DPP6: variants seen among roughly 807,000 people sequenced by gnomAD.
DPP6 encodes the protein A-type potassium channel modulatory protein DPP6.
DPP6 carries 69 observed loss-of-function variants against 122.6 expected under a neutral mutation model. The observed-to-expected ratio is 0.56, with a 90% CI of 0.46 to 0.69. The LOEUF (loss-of-function observed/expected upper bound fraction) is 0.69. Ranked by LOEUF, DPP6 falls within the 30% of genes least tolerant of loss-of-function variation. The pLI is 0.00. For missense variants in DPP6, 928 were observed against 1,116.9 expected, an observed-to-expected ratio of 0.83 and a Z score of 2.41; for synonymous variants, 418 against 433.1, an observed-to-expected ratio of 0.97 and a Z score of 0.43.
At chr7:154,784,727 A>G (rs1195132923) in intron 10 of DPP6, among the ~76,000 whole-genome samples, 1 of 152,168 alleles carries the variant, frequency 6.6e-6, no homozygotes, top group African/African-American at 2.4e-5. Flanking sequence ...CTCCCTGAAC[A>G]AAAAGAGCAA....
chr7:154,773,627 G>T (rs569205698), intron 10 of DPP6, among the ~76,000 whole-genome samples: 98 of 152,224 alleles, frequency 6.4e-4, no homozygotes, highest in Non-Finnish European at 1.2e-3. Context: ...AAGAGGAGGG[G>T]ATTTTAGGGG....
the DPP6 span, among the ~76,000 whole-genome samples, chr7:153,847,565 G>T: frequency 6.6e-6 from 1 of 152,182 alleles, no homozygotes; most frequent in East Asian, 1.9e-4. Context: ...TTAGTTAACA[G>T]TTACATTCAG....
chr7:154,600,919 C>A (rs1245157693), intron 5 of DPP6, among the ~76,000 whole-genome samples: 2 of 119,002 alleles, frequency 1.7e-5, no homozygotes, highest in African/African-American at 5.3e-5. Flanking sequence ...TGGAGAAACC[C>A]CATCTCTACT....
Position 154,674,076 on chromosome 7 carries a change from G to C in DPP6, c.762+4635G>C, listed in dbSNP as rs189195703. Among the ~76,000 whole-genome samples, 413 of 152,078 alleles carry C rather than the reference G, an allele frequency of 2.7e-3. 1 individual carries two copies. The highest frequency in any genetic ancestry group is 3.5e-3 in the Non-Finnish European group (240 of 67,986). On this transcript the variant is annotated intron_variant, in intron 7 of 25. Coordinates refer to ENST00000377770, the MANE Select transcript of DPP6 (RefSeq NM_130797.4). ...TTTTTAGCAGAGATGGGGTTTCACCGTTTTGGCCAAGCTGGTCTTGAACCC... is the reference window on the plus strand; with the variant it reads ...TTTTTAGCAGAGATGGGGTTTCACCCTTTTGGCCAAGCTGGTCTTGAACCC...
intron 1 of DPP6, among the ~76,000 whole-genome samples, chr7:154,243,300 C>T (rs1801763663): frequency 6.6e-6 from 1 of 152,180 alleles, no homozygotes; most frequent in African/African-American, 2.4e-5. Context: ...TCAATAGAAA[C>T]AAGCCCTGAG....
At chr7:154,140,383 C>T in intron 1 of DPP6, among the ~76,000 whole-genome samples, 2 of 152,224 alleles carry the variant, frequency 1.3e-5, no homozygotes, top group Non-Finnish European at 2.9e-5. Flanking sequence ...ACATGGGTAA[C>T]ACTTCACTAT....
chr7:154,498,939 CAT>C (rs1824984131), intron 3 of DPP6, among the ~76,000 whole-genome samples: 1 of 152,194 alleles, frequency 6.6e-6, no homozygotes, highest in African/African-American at 2.4e-5. Context: ...CCATCAGTAA[CAT>C]ATGGCTTTTA....
intron 3 of DPP6, among the ~76,000 whole-genome samples, chr7:154,503,460 C>G (rs181965163): frequency 6.6e-6 from 1 of 152,230 alleles, no homozygotes; most frequent in Non-Finnish European, 1.5e-5. Context: ...TATGTAACTA[C>G]TGGAGGCAAG....
At chr7:154,201,416 A>G (rs1391012060) in intron 1 of DPP6, among the ~76,000 whole-genome samples, 1 of 152,212 alleles carries the variant, frequency 6.6e-6, no homozygotes, top group African/African-American at 2.4e-5. Flanking sequence ...GATGTGAGCC[A>G]CCACGCCTGA....
chr7:153,825,914 G>T, the DPP6 span, among the ~76,000 whole-genome samples: 9,401 of 152,128 alleles, frequency 0.062, 340 homozygotes, highest in Non-Finnish European at 0.082. Flanking sequence ...TTCATAGGAG[G>T]CACCCAGTAA....
rs1179291380 is a variant in DPP6 at position 154,661,823 on chromosome 7, C to T, written c.681-7537C>T. ...TGGCGTGTTGGCCCTAGTGTTCACG[C>T]AGTCATGGTGAATCACCATGGCATA... is the stretch of plus-strand genomic sequence containing the variant. On this transcript the variant is annotated intron_variant, in intron 6 of 25. Coordinates refer to ENST00000377770, the MANE Select transcript of DPP6 (RefSeq NM_130797.4). Among the ~76,000 whole-genome samples the T allele has an allele frequency of 7.5e-4, 64 of 85,326 alleles. 2 individuals carry two copies. Among genetic ancestry groups the T allele is most frequent in the East Asian group, 1.5e-3 (4 of 2,694 alleles). The allele number at this position is 85,326 out of a possible 152,430, so 56.0% of individuals were successfully genotyped here.
At chr7:154,288,443 G>T (rs1253299360) in intron 1 of DPP6, among the ~76,000 whole-genome samples, 1 of 152,208 alleles carries the variant, frequency 6.6e-6, no homozygotes, top group East Asian at 1.9e-4. Context: ...CCCACTTTCT[G>T]CTACTGACCA....
At position 154,042,813 on chromosome 7, in the gene DPP6, G is replaced by A. The variant is rs560062982; in HGVS notation, c.51+155079G>A. Reference sequence around the variant, plus strand: ...AGATAGAAGAGTCTGTGGATCACTTGCTTTTATTCTCTTCCTATAGCTGTG... The same window carrying A: ...AGATAGAAGAGTCTGTGGATCACTTACTTTTATTCTCTTCCTATAGCTGTG... On this transcript the variant is annotated intron_variant, in intron 1 of 25. Transcript: ENST00000404039. Among the ~76,000 whole-genome samples, 4 of 152,288 alleles carry A rather than the reference G, an allele frequency of 2.6e-5. No homozygotes were observed. In the South Asian group the frequency reaches 8.3e-4, roughly 32 times the overall value.
At chr7:153,832,456 C>A in the DPP6 span, among the ~76,000 whole-genome samples, 1 of 152,220 alleles carries the variant, frequency 6.6e-6, no homozygotes, top group Non-Finnish European at 1.5e-5. Flanking sequence ...TCTGATGATA[C>A]AGATGTTTGC....
chr7:154,213,823 T>C (rs980609755), intron 1 of DPP6, among the ~76,000 whole-genome samples: 1 of 152,100 alleles, frequency 6.6e-6, no homozygotes, highest in African/African-American at 2.4e-5. Context: ...CGGTAGATGA[T>C]ACATGACAGC....
At chr7:154,505,761 G>A (rs867305124) in intron 3 of DPP6, among the ~76,000 whole-genome samples, 1 of 152,138 alleles carries the variant, frequency 6.6e-6, no homozygotes, top group Non-Finnish European at 1.5e-5. Flanking sequence ...ATGGCCATTG[G>A]TGTTGACCTT....
intron 7 of DPP6, among the ~76,000 whole-genome samples, chr7:154,692,441 T>G (rs956445792): frequency 1.3e-5 from 2 of 152,198 alleles, no homozygotes; most frequent in African/African-American, 4.8e-5. Flanking sequence ...TTTGTTATGG[T>G]CCTCACTGGG....
At chr7:154,574,423 ATG>A (rs1288225981) in intron 5 of DPP6, among the ~76,000 whole-genome samples, 1 of 88,496 alleles carries the variant, frequency 1.1e-5, no homozygotes, top group African/African-American at 4.6e-5. Flanking sequence ...TGGTGTGTAT[ATG>A]TGTGGTGTGT....
At chr7:154,032,062 G>C (rs1206128391) in intron 1 of DPP6, among the ~76,000 whole-genome samples, 2 of 150,686 alleles carry the variant, frequency 1.3e-5, no homozygotes, top group Non-Finnish European at 3.0e-5. Flanking sequence ...AGTAGAGACG[G>C]GGTTTCACCG....
Sources: gnomAD v4.1 joint callset for allele counts (sites outside exome capture counted in the v4.1 genomes callset) on GRCh38, gnomAD v4.1.1 for gene constraint, MANE v1.5 for transcripts, NCBI Gene and HGNC (gene_info 2026-07-23, HGNC 2026-07-21) for gene names.